Variants in KLRG1 observed in about 807,000 individuals in gnomAD.
KLRG1 encodes killer cell lectin-like receptor subfamily G member 1.
KLRG1 carries 16 observed loss-of-function variants against 21.8 expected under a neutral mutation model. The ratio of observed to expected loss-of-function variants is 0.73; its 90% CI spans 0.50 to 1.11. The LOEUF (loss-of-function observed/expected upper bound fraction) is 1.11. KLRG1 is among the 50% of genes most tolerant of loss of function. The pLI is 0.00. For missense variants in KLRG1, 173 were observed against 218.3 expected (o/e 0.79, Z 1.31); for synonymous variants, 69 against 75.9 (o/e 0.91, Z 0.47).
the KLRG1 span, chr12:9,090,618 AC>A: frequency 7.0e-6 from 6 of 861,636 alleles, no homozygotes; most frequent in East Asian, 1.4e-4. Context: ...AAGATCAAGT[AC>A]CTGAAATATA....
At chr12:9,080,049 A>G in the KLRG1 span, 1 of 1,249,442 alleles carries the variant, frequency 8.0e-7, no homozygotes, top group East Asian at 2.6e-5. Flanking sequence ...AAATAGTATA[A>G]TAGAAGCTGT....
the KLRG1 span, chr12:9,192,505 T>A: frequency 1.2e-6 from 2 of 1,608,322 alleles, no homozygotes; most frequent in African/African-American, 2.7e-5. Flanking sequence ...CATGGCCTCA[T>A]TCTTACCAGG....
At chr12:8,993,909 CATGGAG>C (rs1373253132) in intron 2 of KLRG1, among the ~76,000 whole-genome samples, 2 of 152,162 alleles carry the variant, frequency 1.3e-5, no homozygotes, top group Non-Finnish European at 2.9e-5. Context: ...CACATGTGCT[CATGGAG>C]TATAATGGCT....
At chr12:8,968,531 G>A (rs916269525) in intron 1 of KLRG1, among the ~76,000 whole-genome samples, 4 of 152,172 alleles carry the variant, frequency 2.6e-5, no homozygotes, top group Non-Finnish European at 5.9e-5. Context: ...ATAGTTGGAG[G>A]TTTTAACACC....
Position 8,992,124 on chromosome 12 carries a change from G to A in KLRG1, c.83-82G>A. On this transcript the variant is annotated intron_variant, in intron 1 of 4. Coordinates refer to ENST00000356986, the MANE Select transcript of KLRG1 (RefSeq NM_005810.4). Reference sequence around the variant, plus strand: ...TTCCCACTAGGCCAAATTGCTTTAAGATGCGATATCCTTCCCTGACTTTCT... The same window carrying A: ...TTCCCACTAGGCCAAATTGCTTTAAAATGCGATATCCTTCCCTGACTTTCT... 3 of 1,191,206 alleles carry A rather than the reference G, an allele frequency of 2.5e-6. No individual in the cohort carries two copies. In the South Asian group the frequency reaches 4.4e-5, roughly 18 times the overall value. 73.8% of individuals were successfully genotyped at this position (1,191,206 alleles called of 1,614,324 possible).
intron 1 of KLRG1, among the ~76,000 whole-genome samples, chr12:8,960,695 A>G (rs1295747372): frequency 2.6e-5 from 4 of 152,220 alleles, no homozygotes; most frequent in African/African-American, 9.6e-5. Context: ...TGAATAGTGA[A>G]CAGCCTTAGA....
chr12:9,101,083 G>A, the KLRG1 span: 9 of 1,440,714 alleles, frequency 6.2e-6, no homozygotes, highest in African/African-American at 2.8e-5. Flanking sequence ...TGATACTTCC[G>A]TGGTGTAAGG....
At chr12:9,196,743 A>T in the KLRG1 span, 1 of 1,414,054 alleles carries the variant, frequency 7.1e-7, no homozygotes, top group Non-Finnish European at 1.0e-6. Flanking sequence ...TAGTCACTGA[A>T]TCTACTATTC....
chr12:9,163,814 T>C, the KLRG1 span: 1 of 1,606,310 alleles, frequency 6.2e-7, no homozygotes, highest in Non-Finnish European at 8.5e-7. Flanking sequence ...ATTGAAAACA[T>C]GAGTATCCAC....
At chr12:9,160,038 G>T in the KLRG1 span, 2 of 1,605,608 alleles carry the variant, frequency 1.2e-6, no homozygotes, top group Non-Finnish European at 8.5e-7. Context: ...GAAATGGAAG[G>T]CTTCAGATTG....
the KLRG1 span, chr12:9,165,317 T>C: frequency 1.2e-6 from 2 of 1,614,118 alleles, no homozygotes; most frequent in Non-Finnish European, 8.5e-7. Flanking sequence ...TGCCTTCCAC[T>C]CGGTGATGGT....
chr12:9,111,379 G>A, the KLRG1 span: 1 of 360,720 alleles, frequency 2.8e-6, no homozygotes, highest in Admixed American at 3.3e-5. Context: ...AGAGTGATGG[G>A]TGTGGTGCCT....
At chr12:9,035,387 A>G in the KLRG1 span, among the ~76,000 whole-genome samples, 1 of 152,062 alleles carries the variant, frequency 6.6e-6, no homozygotes, top group African/African-American at 2.4e-5. Flanking sequence ...CATAAGTGGG[A>G]GTCGAACAAT....
the KLRG1 span, among the ~76,000 whole-genome samples, chr12:9,127,407 CAT>C: frequency 6.6e-6 from 1 of 152,184 alleles, no homozygotes; most frequent in South Asian, 2.1e-4. Flanking sequence ...TGGGTCCCCT[CAT>C]AGCACAAAAC....
intron 1 of KLRG1, among the ~76,000 whole-genome samples, chr12:8,960,915 C>T (rs12371962): frequency 0.34 from 51,020 of 151,956 alleles, 8,918 homozygotes; most frequent in Admixed American, 0.4. Context: ...TTTGAGGGGA[C>T]GAGGTGTAGG....
chr12:9,074,478 CTTCTT>C, the KLRG1 span: 53 of 1,317,150 alleles, frequency 4.0e-5, no homozygotes, highest in Non-Finnish European at 4.9e-5. Context: ...GTATTTTTTT[CTTCTT>C]GGATGTGTTT....
chr12:9,171,851 C>A, the KLRG1 span, among the ~76,000 whole-genome samples: 1 of 152,004 alleles, frequency 6.6e-6, no homozygotes, highest in Admixed American at 6.5e-5. Context: ...GTAAAAAGAC[C>A]AAACCTATGA....
In KLRG1 at chr12:8,965,270, T is replaced by C. The variant is rs775410841; in HGVS notation, c.-156+15034T>C. On this transcript the variant is annotated intron_variant, in intron 1 of 4. Coordinates refer to the KLRG1 transcript ENST00000539240. ...AAACTGGAAGCATTCCCTTTGAAAA[T>C]GGGCACAAGACAGGGATGCCCTCTC... 4.9e-3 allele frequency among the ~76,000 whole-genome samples: 739 copies of C among 152,140 alleles called. 10 individuals carry two copies. Among genetic ancestry groups the C allele is most frequent in the African/African-American group, 0.016 (678 of 41,486 alleles).
At chr12:9,163,719 C>G in the KLRG1 span, 1 of 1,613,936 alleles carries the variant, frequency 6.2e-7, no homozygotes, top group Non-Finnish European at 8.5e-7. Flanking sequence ...TCTCAGGGAC[C>G]TCAACAACCT....
Sources: gnomAD v4.1 joint callset for allele counts (sites outside exome capture counted in the v4.1 genomes callset) on GRCh38, gnomAD v4.1.1 for gene constraint, MANE v1.5 for transcripts, NCBI Gene and HGNC (gene_info 2026-07-23, HGNC 2026-07-21) for gene names.